The following CEP57 variants were observed in gnomAD, a reference collection of about 807,000 sequenced individuals.
CEP57 encodes the protein centrosomal protein of 57 kDa.
Under a neutral mutation model 68.0 loss-of-function variants are expected in CEP57, and 40 were observed. The ratio of observed to expected loss-of-function variants is 0.59; its 90% CI spans 0.46 to 0.77. CEP57 has a LOEUF of 0.77. CEP57 is among the 30% of genes least tolerant of loss of function. CEP57 has a pLI of 0.00. For synonymous variants in CEP57, 219 were observed against 198.7 expected, an observed-to-expected ratio of 1.10 and a Z score of -0.86; for missense variants, 606 against 580.7, an observed-to-expected ratio of 1.04 and a Z score of -0.45.
intron 2 of CEP57, among the ~76,000 whole-genome samples, chr11:95,800,885 G>C (rs529652796): frequency 6.6e-6 from 1 of 152,280 alleles, no homozygotes; most frequent in South Asian, 2.1e-4. Context: ...CTCATACTTT[G>C]TGTGAAGTTT....
At chr11:95,807,106 G>C (rs867537117) in intron 2 of CEP57, among the ~76,000 whole-genome samples, 5 of 152,094 alleles carry the variant, frequency 3.3e-5, no homozygotes, top group African/African-American at 1.2e-4. Context: ...CCAGGCAAAC[G>C]GTCTGGAATG....
intron 1 of CEP57, 110 bp downstream of exon 1, chr11:95,790,853 C>T: frequency 7.8e-7 from 1 of 1,286,650 alleles, no homozygotes; most frequent in South Asian, 1.3e-5. Context: ...TTCTGGAGGT[C>T]GGCGGGAATG....
rs1862532841 is a variant in CEP57, at chr11:95,821,917, C to T, written c.746C>T (p.Ala249Val). ...AATAGACTTATCTTTGAAGATAAGG[C>T]AACTCCGTGTGTTCCCAATGCAAGA... ...ETNRLIFEDK[A>V]TPCVPNARRI... Residue 249 changes from alanine to valine, a missense_variant, in exon 7 of 11, where the codon GCA becomes GTA. Transcript: ENST00000325542. 1 of 1,612,614 alleles carries T rather than the reference C, an allele frequency of 6.2e-7. No individual in the cohort carries two copies. The highest frequency in any genetic ancestry group is 1.3e-5 in the African/African-American group (1 of 74,956).
At chr11:95,795,285 T>G (rs996127369) in intron 1 of CEP57, among the ~76,000 whole-genome samples, 1 of 152,184 alleles carries the variant, frequency 6.6e-6, no homozygotes, top group African/African-American at 2.4e-5. Flanking sequence ...TTTCATGTCT[T>G]GTATATTGTT....
At chr11:95,819,688 G>T (rs1237991835) in intron 6 of CEP57, among the ~76,000 whole-genome samples, 1 of 152,140 alleles carries the variant, frequency 6.6e-6, no homozygotes, top group Non-Finnish European at 1.5e-5. Context: ...CAAGAATCAG[G>T]TCTCGATTCC....
Position 95,812,987 on chromosome 11 carries a change from G to C in CEP57, c.258G>C (p.Glu86Asp), listed in dbSNP as rs912374722. The change falls in exon 3 of 11, where the codon GAG (glutamate) becomes GAC (aspartate). Residue 86 changes from glutamate to aspartate, a missense_variant. Transcript: ENST00000325542. ...LQDKIRRLEL[E>D]RIQAEESVKT... ...ATAAGATTCGACGCTTGGAACTTGA[G>C]AGGATTCAGGCAGAAGAAAGTGTGA... 3.7e-6 allele frequency: 6 copies of C among 1,614,034 alleles called. No homozygotes were observed. Among genetic ancestry groups the C allele is most frequent in the Admixed American group, 3.3e-5 (2 of 60,022 alleles).
chr11:95,799,238 T>A lies in CEP57; in HGVS notation c.52T>A (p.Phe18Ile), dbSNP rs1217471494. Residue 18 changes from phenylalanine to isoleucine, a missense_variant, in exon 2 of 11, where the codon TTT becomes ATT. By Grantham distance (21) the Phe-to-Ile change is conservative (BLOSUM62 0). Coordinates refer to ENST00000325542, the MANE Select transcript of CEP57 (RefSeq NM_014679.5). ...AASGSHLSNS[F>I]AEPSRSNGSM... is the part of the protein sequence containing the mutation. ...TTGTGTCTTTATTTTTTAGAACAGC[T>A]TTGCTGAGCCATCAAGGTCTAATGG... 31 of 1,613,988 alleles carry A rather than the reference T, an allele frequency of 1.9e-5. 1 individual carries two copies. The Admixed American group carries it at 5.2e-4, about 27-fold the overall frequency.
rs550551958 is a variant in CEP57 at position 95,818,137 on chromosome 11, C to T, written c.621+234C>T. 559 of 406,710 alleles carry T rather than the reference C, an allele frequency of 1.4e-3. 8 individuals are homozygous for T. The highest frequency in any genetic ancestry group is 3.4e-4 in the Non-Finnish European group (74 of 219,120). The allele number at this position is 406,710 out of a possible 1,614,324, so 25.2% of individuals were successfully genotyped here. A position where few individuals can be genotyped will look rare whatever the true frequency, so the allele number is the denominator to read the frequency against. On this transcript the variant is annotated intron_variant, in intron 5 of 10. Coordinates refer to ENST00000325542, the MANE Select transcript of CEP57 (RefSeq NM_014679.5). ...AAAAAATTAAATGTTTTTGGCCGGG[C>T]GTGGTGGCTCACGCCTGTAATCCCA...
chr11:95,790,526 G>T lies in CEP57; in HGVS notation c.-173G>T. 1 of 683,442 alleles carries T rather than the reference G, an allele frequency of 1.5e-6. No individual in the cohort carries two copies. The highest frequency in any genetic ancestry group is 2.5e-6 in the Non-Finnish European group (1 of 395,304). 42.3% of individuals were successfully genotyped at this position (683,442 alleles called of 1,614,324 possible). On this transcript the variant is annotated 5_prime_UTR_variant, in exon 1 of 11. Coordinates refer to ENST00000325542, the MANE Select transcript of CEP57 (RefSeq NM_014679.5). The stretch of plus-strand genomic sequence containing the variant: ...TCTGTGTAAGCTGTGAGCGTAGGCG[G>T]CCCTGAGGGGGTGTGTTGCAGGGGT...
At chr11:95,820,579 C>CCCAAAA (rs1862477488) in intron 6 of CEP57, among the ~76,000 whole-genome samples, 1 of 82,440 alleles carries the variant, frequency 1.2e-5, no homozygotes, top group Non-Finnish European at 2.3e-5. Flanking sequence ...GCAACAAGAG[C>CCCAAAA]AAAAAAAAAA....
intron 2 of CEP57, among the ~76,000 whole-genome samples, chr11:95,802,096 G>A (rs1252091143): frequency 6.6e-6 from 1 of 152,084 alleles, no homozygotes; most frequent in East Asian, 1.9e-4. Flanking sequence ...CATTTGTTGG[G>A]GATAGGGATA....
At chr11:95,807,322 C>A (rs1446265736) in intron 2 of CEP57, among the ~76,000 whole-genome samples, 5 of 152,210 alleles carry the variant, frequency 3.3e-5, no homozygotes, top group Non-Finnish European at 5.9e-5. Flanking sequence ...TCCAAAGGAA[C>A]ACAGCTCCTT....
chr11:95,817,728 A>G, intron 4 of CEP57, 59 bp from the exon 5 acceptor site: 1 of 1,113,428 alleles, frequency 9.0e-7, no homozygotes, highest in South Asian at 1.2e-5. Context: ...AACACTGCTC[A>G]GTGTTTTTCT....
At chr11:95,813,236 T>G in intron 3 of CEP57, 125 bp downstream of exon 3, 1 of 1,093,378 alleles carries the variant, frequency 9.1e-7, no homozygotes, top group Non-Finnish European at 1.3e-6. Flanking sequence ...CTGCATTGTA[T>G]TCTGGTGCAT....
At chr11:95,811,391 G>A (rs572584712) in intron 2 of CEP57, among the ~76,000 whole-genome samples, 79 of 148,628 alleles carry the variant, frequency 5.3e-4, no homozygotes, top group African/African-American at 1.9e-3. Context: ...GAGAACACTT[G>A]GACACAGGGT....
At chr11:95,796,769 G>A (rs1282941569) in intron 1 of CEP57, among the ~76,000 whole-genome samples, 3 of 152,150 alleles carry the variant, frequency 2.0e-5, no homozygotes, top group Non-Finnish European at 2.9e-5. Flanking sequence ...GTCAGAGTTC[G>A]CAGAGCATCT....
intron 4 of CEP57, among the ~76,000 whole-genome samples, chr11:95,817,337 G>A (rs1862339799): frequency 6.6e-6 from 1 of 152,104 alleles, no homozygotes; most frequent in Non-Finnish European, 1.5e-5. Flanking sequence ...CTGCACTCTG[G>A]CCTGGGCGAC....
chr11:95,829,384 CTT>C, intron 10 of CEP57, 53 bp downstream of exon 10: 2 of 1,478,832 alleles, frequency 1.4e-6, no homozygotes, highest in South Asian at 2.3e-5. Context: ...AAAAAAAACA[CTT>C]TAATTCAAAT....
In CEP57 at chr11:95,812,950, A is replaced by G. The variant is rs1862132024; in HGVS notation, c.221A>G (p.Lys74Arg). Residue 74 changes from lysine (K) to arginine (R), a missense_variant, in exon 3 of 11, where the codon AAG becomes AGG. Lys to Arg is a conservative substitution (Grantham distance 26). Transcript: ENST00000325542. ...SNSRAIFSALKNLQDKIRRLE... is the reference protein window; with the variant it reads ...SNSRAIFSALRNLQDKIRRLE... ...TTGGCAGCCATATTTTCTGCTCTTA[A>G]GAATCTTCAAGATAAGATTCGACGC... 1 of 1,613,966 alleles carries G rather than the reference A, an allele frequency of 6.2e-7. No individual in the cohort carries two copies. The highest frequency in any genetic ancestry group is 1.3e-5 in the African/African-American group (1 of 75,010).
Sources: gnomAD v4.1 joint callset for allele counts (sites outside exome capture counted in the v4.1 genomes callset) on GRCh38, gnomAD v4.1.1 for gene constraint, MANE v1.5 for transcripts, NCBI Gene and HGNC (gene_info 2026-07-23, HGNC 2026-07-21) for gene names.